Variants in CEP192 observed in about 807,000 individuals in gnomAD.
CEP192 encodes centrosomal protein of 192 kDa.
In CEP192, 151 loss-of-function variants were observed where a neutral mutation model predicts 271.8. The ratio of observed to expected loss-of-function variants is 0.56; its 90% CI spans 0.49 to 0.64. CEP192 has a LOEUF of 0.64. Among genes scored for constraint, CEP192 ranks in the 30% least tolerant of loss-of-function variants. CEP192 has a pLI of 0.00. For synonymous variants in CEP192, 995 were observed against 1,076.5 expected, an observed-to-expected ratio of 0.92 and a Z score of 1.48; for missense variants, 2,910 against 3,020.5, an observed-to-expected ratio of 0.96 and a Z score of 0.86.
intron 26 of CEP192, 23 bp downstream of exon 26, chr18:13,069,204 C>T: frequency 1.3e-6 from 2 of 1,568,750 alleles, no homozygotes; most frequent in Non-Finnish European, 8.8e-7. Context: ...ATGAGAGTGC[C>T]ATAAGATAGT....
chr18:12,995,694 A>T (rs1249221129), intron 1 of CEP192, among the ~76,000 whole-genome samples: 2 of 152,194 alleles, frequency 1.3e-5, no homozygotes, highest in Non-Finnish European at 2.9e-5. Context: ...AGTACTATAG[A>T]ACAGAGAAAG....
Position 13,067,843 on chromosome 18 carries a change from A to G in CEP192, c.4501A>G (p.Lys1501Glu). ...ESPVIEVETE[K>E]KDVLDFGDLT... The stretch of plus-strand genomic sequence containing the variant: ...TTTTGATAATTAGGTAGAAACAGAA[A>G]AGAAAGACGTTCTTGATTTTGGTGA... Residue 1501 changes from lysine to glutamate, a missense_variant, in exon 22 of 45, where the codon AAG becomes GAG. Coordinates refer to ENST00000506447, the MANE Select transcript of CEP192 (RefSeq NM_032142.4). 1 of 1,610,180 alleles carries G rather than the reference A, an allele frequency of 6.2e-7. No individual in the cohort carries two copies. Among genetic ancestry groups the G allele is most frequent in the South Asian group, 1.1e-5 (1 of 90,852 alleles).
At chr18:13,014,703 C>T (rs1354082789) in intron 5 of CEP192, among the ~76,000 whole-genome samples, 1 of 152,132 alleles carries the variant, frequency 6.6e-6, no homozygotes, top group Non-Finnish European at 1.5e-5. Flanking sequence ...ACTGTCCTCT[C>T]TAAATGTAAA....
intron 38 of CEP192, among the ~76,000 whole-genome samples, chr18:13,102,212 T>C (rs2039741396): frequency 1.3e-5 from 2 of 151,866 alleles, no homozygotes; most frequent in African/African-American, 4.8e-5. Flanking sequence ...TCTTCCTAAC[T>C]CTTGACTTTG....
intron 30 of CEP192, 23 bp downstream of exon 30, chr18:13,073,208 C>T: frequency 6.3e-7 from 1 of 1,578,042 alleles, no homozygotes; most frequent in Non-Finnish European, 8.6e-7. Flanking sequence ...TATTGCCTTT[C>T]CCTTCCCCTG....
intron 30 of CEP192, among the ~76,000 whole-genome samples, chr18:13,084,135 A>T (rs2038770081): frequency 6.6e-6 from 1 of 152,174 alleles, no homozygotes; most frequent in African/African-American, 2.4e-5. Flanking sequence ...TCATGCTGGG[A>T]GAACCACTGC....
intron 2 of CEP192, 25 bp from the exon 3 acceptor site, chr18:13,001,432 A>G: frequency 1.3e-6 from 2 of 1,496,418 alleles, no homozygotes; most frequent in Middle Eastern, 2.0e-4. Flanking sequence ...ATTCTTAACA[A>G]TTAAAACAAA....
intron 20 of CEP192, 78 bp from the exon 21 acceptor site, chr18:13,059,004 G>A: frequency 3.3e-6 from 3 of 899,988 alleles, no homozygotes; most frequent in Non-Finnish European, 5.4e-6. Flanking sequence ...ATTGGGAAAA[G>A]GAATCTTAAA....
chr18:13,122,337 G>A (rs2040704392), intron 44 of CEP192, among the ~76,000 whole-genome samples: 1 of 152,204 alleles, frequency 6.6e-6, no homozygotes, highest in Non-Finnish European at 1.5e-5. Context: ...CAGAAGAATC[G>A]CTTGAACTTG....
At chr18:13,054,374 G>C (rs1362774934) in intron 18 of CEP192, among the ~76,000 whole-genome samples, 2 of 152,296 alleles carry the variant, frequency 1.3e-5, no homozygotes, top group African/African-American at 2.4e-5. Flanking sequence ...GTTTTTTGAT[G>C]AGCTAACTGT....
At chr18:13,001,652 A>G in intron 3 of CEP192, 70 bp downstream of exon 3, 3 of 1,355,022 alleles carry the variant, frequency 2.2e-6, no homozygotes, top group Non-Finnish European at 2.9e-6. Flanking sequence ...GGAAAATGAC[A>G]ATGTGATTGT....
chr18:13,068,087 TA>T lies in CEP192; in HGVS notation c.4615-4del, dbSNP rs2037809261. ...TTTACTGAACTGATTCTTGTATTTC[TA>T]AACAGAACGCTGTAGCCTGGCGCTG... On this transcript the variant is annotated splice_polypyrimidine_tract_variant and splice_region_variant and intron_variant, in intron 22 of 44. Coordinates refer to ENST00000506447, the MANE Select transcript of CEP192 (RefSeq NM_032142.4). 4 of 1,613,998 alleles carry T rather than the reference TA, an allele frequency of 2.5e-6. No homozygotes were observed. Among genetic ancestry groups the T allele is most frequent in the Non-Finnish European group, 3.4e-6 (4 of 1,179,982 alleles).
Position 13,116,498 on chromosome 18 carries a change from C to T in CEP192, c.7411C>T (p.His2471Tyr), listed in dbSNP as rs561740424. 2.1e-5 allele frequency: 33 copies of T among 1,601,916 alleles called. 1 individual carries two copies. The South Asian group carries it at 3.1e-4, about 15-fold the overall frequency. Residue 2471 changes from histidine (H) to tyrosine (Y), a missense_variant, in exon 43 of 45, where the codon CAC (histidine) becomes TAC (tyrosine). Physicochemically the swap from His to Tyr is moderately conservative, Grantham distance 83. Transcript: ENST00000506447. ...VNLRNNSFIT[H>Y]SLKFLSPREP... The stretch of plus-strand genomic sequence containing the variant: ...TCTGCGAAATAATTCTTTTATTACA[C>T]ACTCAGTAAGTTGGAAATATTACTA...
intron 3 of CEP192, among the ~76,000 whole-genome samples, chr18:13,002,926 T>G (rs1353676624): frequency 1.3e-5 from 2 of 152,230 alleles, no homozygotes; most frequent in Non-Finnish European, 2.9e-5. Flanking sequence ...TTAACCCTTG[T>G]GTATTCATTC....
At chr18:13,029,541 CT>C in intron 9 of CEP192, 121 bp from the exon 10 acceptor site, 1 of 652,962 alleles carries the variant, frequency 1.5e-6, no homozygotes, top group South Asian at 2.3e-5. Flanking sequence ...TGTGTGTTCT[CT>C]TCTTTCATAT....
At chr18:13,058,815 A>C (rs561751931) in intron 20 of CEP192, 3 of 446,248 alleles carry the variant, frequency 6.7e-6, no homozygotes, top group African/African-American at 5.9e-5. Context: ...GTCCTTTTTA[A>C]GACAAGTGAG....
At chr18:13,120,393 G>A (rs922287213) in intron 44 of CEP192, among the ~76,000 whole-genome samples, 2 of 152,190 alleles carry the variant, frequency 1.3e-5, no homozygotes, top group African/African-American at 4.8e-5. Context: ...AGACATTTTT[G>A]TGGACGTTAA....
intron 9 of CEP192, among the ~76,000 whole-genome samples, chr18:13,028,102 C>G (rs568194088): frequency 6.6e-6 from 1 of 152,094 alleles, no homozygotes; most frequent in Admixed American, 6.6e-5. Context: ...CTGGTTCTCC[C>G]GGCTTCTGCT....
At chr18:13,087,482 A>T in intron 31 of CEP192, 49 bp from the exon 32 acceptor site, 1 of 1,063,138 alleles carries the variant, frequency 9.4e-7, no homozygotes, top group Non-Finnish European at 1.4e-6. Flanking sequence ...GATTGAAATT[A>T]CTTAAAAATA....
Sources: allele counts gnomAD v4.1 joint callset (sites outside exome capture counted in the v4.1 genomes callset), GRCh38; gene constraint gnomAD v4.1.1; transcripts MANE v1.5; gene names NCBI Gene and HGNC (gene_info 2026-07-23, HGNC 2026-07-21).